The following PRDM16 variants were observed in gnomAD, a reference collection of about 807,000 sequenced individuals.
PRDM16 encodes PR/SET domain 16.
In PRDM16, 23 loss-of-function variants were observed where a neutral mutation model predicts 110.6. The observed-to-expected ratio is 0.21, with a 90% CI of 0.15 to 0.29. PRDM16 has a LOEUF of 0.29. Among genes scored for constraint, PRDM16 ranks in the 10% least tolerant of loss-of-function variants. The probability of loss-of-function intolerance (pLI) is 1.00; values close to 1 mark genes in which losing one functional copy is unlikely to be tolerated. For missense variants in PRDM16, 1,615 were observed against 1,794.3 expected, an observed-to-expected ratio of 0.90 and a Z score of 1.81; for synonymous variants, 799 against 781.8, an observed-to-expected ratio of 1.02 and a Z score of -0.37.
At chr1:3,239,877 G>A (rs1639620764) in intron 2 of PRDM16, among the ~76,000 whole-genome samples, 1 of 152,056 alleles carries the variant, frequency 6.6e-6, no homozygotes, top group Non-Finnish European at 1.5e-5. Context: ...CTGAGCCCAG[G>A]AGGTCGAGGT....
chr1:3,425,527 G>A lies in PRDM16; in HGVS notation c.2940-54G>A, dbSNP rs959353206. On this transcript the variant is annotated intron_variant, in intron 12 of 16. Transcript: ENST00000270722. This position sits in a 1 kb window ranked among gnomAD's most constrained non-coding sequence, Gnocchi z 6.9. ...CCCTTCCCCCCACCCTCTGTGGCCC[G>A]GCCTGCCATGCAGAGCCGGGGCCTG... 63 of 1,572,782 alleles carry A rather than the reference G, an allele frequency of 4.0e-5. No homozygotes were observed. The highest frequency in any genetic ancestry group is 6.8e-5 in the African/African-American group (5 of 73,546).
intron 12 of PRDM16, among the ~76,000 whole-genome samples, chr1:3,421,409 C>A (rs1638424022): frequency 1.3e-5 from 2 of 152,214 alleles, no homozygotes; most frequent in African/African-American, 4.8e-5. Flanking sequence ...CGTTCTCCTT[C>A]CTTTTGGAGC....
chr1:3,372,805 C>T (rs1385872134), intron 3 of PRDM16, among the ~76,000 whole-genome samples: 2 of 152,312 alleles, frequency 1.3e-5, no homozygotes, highest in South Asian at 2.1e-4. Context: ...GGCACAGCTG[C>T]CCCAGATCCC....
chr1:3,166,772 GT>G (rs1420553083), intron 1 of PRDM16, among the ~76,000 whole-genome samples: 1 of 152,196 alleles, frequency 6.6e-6, no homozygotes, highest in Non-Finnish European at 1.5e-5. Context: ...CTCGGGTGAG[GT>G]TCTTTGCCTC....
chr1:3,297,153 C>A (rs944773067), intron 3 of PRDM16, among the ~76,000 whole-genome samples: 2 of 152,280 alleles, frequency 1.3e-5, no homozygotes, highest in African/African-American at 2.4e-5. Flanking sequence ...GTCCTCTGTC[C>A]GCTTTCTGCC....
chr1:3,396,776 G>A (rs1251140432), intron 5 of PRDM16, among the ~76,000 whole-genome samples, 183 bp downstream of exon 5: 2 of 152,166 alleles, frequency 1.3e-5, no homozygotes, highest in South Asian at 2.1e-4. Context: ...GAAATTGCCC[G>A]CCTCCACAAA....
At chr1:3,226,771 G>A (rs1279719295) in intron 2 of PRDM16, among the ~76,000 whole-genome samples, 5 of 152,188 alleles carry the variant, frequency 3.3e-5, no homozygotes, top group African/African-American at 4.8e-5. Flanking sequence ...ACCCCTGCAC[G>A]CCTTCGCAGG....
In PRDM16 at chr1:3,181,546, ACACACGCAG is replaced by A. The variant is rs1315825022; in HGVS notation, c.38-4578_38-4570del. On this transcript the variant is annotated intron_variant, in intron 1 of 16. Coordinates refer to ENST00000270722, the MANE Select transcript of PRDM16 (RefSeq NM_022114.4). ...CACAAGCGGTCTTACACACGGTCTT[ACACACGCAG>A]TCTTACACACGCAGTCTTACACACG... Among the ~76,000 whole-genome samples the A allele has an allele frequency of 2.4e-4, 6 of 25,080 alleles. 2 individuals carry two copies. Among genetic ancestry groups the A allele is most frequent in the African/African-American group, 2.3e-3 (6 of 2,570 alleles). 16.5% of individuals were successfully genotyped at this position (25,080 alleles called of 152,430 possible).
intron 2 of PRDM16, among the ~76,000 whole-genome samples, chr1:3,195,639 C>T (rs376034183): frequency 6.6e-6 from 1 of 152,146 alleles, no homozygotes; most frequent in Non-Finnish European, 1.5e-5. Flanking sequence ...AGGAACCGGC[C>T]GCTTGTACCA....
intron 1 of PRDM16, among the ~76,000 whole-genome samples, chr1:3,084,065 C>T (rs1016598299): frequency 1.3e-5 from 2 of 152,184 alleles, no homozygotes; most frequent in African/African-American, 2.4e-5. Flanking sequence ...GTGGAGGGAG[C>T]GAGAGGAGAG....
intron 12 of PRDM16, among the ~76,000 whole-genome samples, chr1:3,421,805 A>G (rs1312601434): frequency 6.6e-6 from 1 of 152,270 alleles, no homozygotes; most frequent in Non-Finnish European, 1.5e-5. Flanking sequence ...AAGTCTCTGC[A>G]TTTCCAAAGA....
chr1:3,071,973 C>T (rs539312238), intron 1 of PRDM16, among the ~76,000 whole-genome samples: 30 of 152,156 alleles, frequency 2.0e-4, no homozygotes, highest in Non-Finnish European at 3.7e-4. Flanking sequence ...GGTGGCGGCT[C>T]CGGGGGTGAC....
chr1:3,415,013 C>T (rs1044209344), intron 10 of PRDM16, among the ~76,000 whole-genome samples: 8 of 152,198 alleles, frequency 5.3e-5, no homozygotes, highest in Middle Eastern at 3.2e-3. Context: ...ACAGCGTGGG[C>T]GCTCTCTCTG....
intron 2 of PRDM16, among the ~76,000 whole-genome samples, chr1:3,240,074 AGGAG>A (rs1278723330): frequency 7.6e-6 from 1 of 131,134 alleles, no homozygotes; most frequent in Non-Finnish European, 1.6e-5. Flanking sequence ...AGGAGAGGAG[AGGAG>A]AGGAGAGGAG....
Position 3,426,365 on chromosome 1 carries a change from G to T in PRDM16, c.3284+140G>T, listed in dbSNP as rs916459819. 2.4e-5 allele frequency: 15 copies of T among 619,732 alleles called. No homozygotes were observed. In the Admixed American group the frequency reaches 2.7e-4, roughly 11 times the overall value. 38.4% of individuals were successfully genotyped at this position (619,732 alleles called of 1,614,324 possible). The stretch of plus-strand genomic sequence containing the variant: ...GGCGCAGTGGGGGCCTCACCACAGA[G>T]GGTGAGGCCCCTGGGCTCTGGGAAC... On this transcript the variant is annotated intron_variant, in intron 14 of 16. Coordinates refer to ENST00000270722, the MANE Select transcript of PRDM16 (RefSeq NM_022114.4).
rs566879649 is a variant in PRDM16 at position 3,353,120 on chromosome 1, C to T, written c.439-32032C>T. On this transcript the variant is annotated intron_variant, in intron 3 of 16. Coordinates refer to ENST00000270722, the MANE Select transcript of PRDM16 (RefSeq NM_022114.4). The surrounding 1 kb of genome is among the most constrained non-coding windows in gnomAD (Gnocchi z 5.4). ...CACACCCGAAGAGCTCGAAAGCTGG[C>T]CCCCAGCCCAGACTCCCACGCAGGG... Among the ~76,000 whole-genome samples the T allele has an allele frequency of 2.6e-5, 4 of 152,334 alleles. No individual in the cohort carries two copies. The East Asian group carries it at 7.7e-4, about 29-fold the overall frequency.
chr1:3,339,137 T>C lies in PRDM16; in HGVS notation c.439-46015T>C, dbSNP rs1381973232. Among the ~76,000 whole-genome samples, 1 of 152,188 alleles carries C rather than the reference T, an allele frequency of 6.6e-6. No homozygotes were observed. The highest frequency in any genetic ancestry group is 1.5e-5 in the Non-Finnish European group (1 of 68,020). On this transcript the variant is annotated intron_variant, in intron 3 of 16. Coordinates refer to ENST00000270722, the MANE Select transcript of PRDM16 (RefSeq NM_022114.4). The surrounding 1 kb of genome is among the most constrained non-coding windows in gnomAD (Gnocchi z 5.0). Reference sequence around the variant, plus strand: ...CCCCATGTCCCGCCTTTCCGGGTGCTCAGAGGCATCTCCTGCTCTCTCCTT... The same window carrying C: ...CCCCATGTCCCGCCTTTCCGGGTGCCCAGAGGCATCTCCTGCTCTCTCCTT...
intron 3 of PRDM16, among the ~76,000 whole-genome samples, chr1:3,266,903 C>T (rs987345572): frequency 1.3e-5 from 2 of 152,206 alleles, no homozygotes; most frequent in African/African-American, 2.4e-5. Context: ...CTCTCGAACT[C>T]CTGACCTCAG....
intron 2 of PRDM16, among the ~76,000 whole-genome samples, chr1:3,224,255 A>G (rs1167789388): frequency 6.6e-6 from 1 of 152,228 alleles, no homozygotes; most frequent in Non-Finnish European, 1.5e-5. Context: ...ATCGTGCACA[A>G]AAAAGCAATC....
Sources: allele counts gnomAD v4.1 joint callset (sites outside exome capture counted in the v4.1 genomes callset), GRCh38; gene constraint gnomAD v4.1.1; non-coding constraint Gnocchi (gnomAD v3.1); transcripts MANE v1.5; gene names NCBI Gene and HGNC (gene_info 2026-07-23, HGNC 2026-07-21).